The following UTRN variants were observed in gnomAD, a reference collection of about 807,000 sequenced individuals.
UTRN encodes the protein utrophin, also known as dystrophin-related protein 1.
In UTRN, 283 loss-of-function variants were observed where a neutral mutation model predicts 463.9. That is an observed-to-expected ratio of 0.61 (90% confidence interval 0.55 to 0.67). The LOEUF is 0.67. Ranked by LOEUF, UTRN falls within the 30% of genes least tolerant of loss-of-function variation. The pLI, the probability that UTRN is intolerant of heterozygous loss-of-function variation, is 0.00. For synonymous variants in UTRN, 1,442 were observed against 1,431.5 expected (o/e 1.01, Z -0.17); for missense variants, 3,922 against 4,084.3 (o/e 0.96, Z 1.08).
intron 54 of UTRN, among the ~76,000 whole-genome samples, chr6:144,744,958 G>C (rs182625380): frequency 6.6e-6 from 1 of 152,142 alleles, no homozygotes; most frequent in Non-Finnish European, 1.5e-5. Context: ...ATTCCATCCT[G>C]ACAACCTGTT....
At chr6:144,811,950 C>CT (rs374548427) in intron 65 of UTRN, among the ~76,000 whole-genome samples, 3 of 151,994 alleles carry the variant, frequency 2.0e-5, no homozygotes, top group Non-Finnish European at 4.4e-5. Context: ...TGCCAAGTGA[C>CT]TTTTTTTATA....
At chr6:144,404,322 C>G (rs947519903) in intron 3 of UTRN, among the ~76,000 whole-genome samples, 2 of 152,166 alleles carry the variant, frequency 1.3e-5, no homozygotes, top group African/African-American at 4.8e-5. Context: ...AAATCACATG[C>G]AGGTGTGTTT....
chr6:144,635,165 C>T (rs1269783756), intron 51 of UTRN, among the ~76,000 whole-genome samples: 4 of 114,222 alleles, frequency 3.5e-5, no homozygotes, highest in Admixed American at 1.1e-4. Context: ...TTTTTGGAGA[C>T]ATGAGACAGG....
At chr6:144,450,774 A>G (rs1451081535) in intron 17 of UTRN, among the ~76,000 whole-genome samples, 1 of 152,216 alleles carries the variant, frequency 6.6e-6, no homozygotes, top group Non-Finnish European at 1.5e-5. Context: ...ATAAGCATTT[A>G]TAAAAATACA....
chr6:144,666,450 A>G (rs1780407002), intron 51 of UTRN, among the ~76,000 whole-genome samples: 1 of 152,318 alleles, frequency 6.6e-6, no homozygotes, highest in Non-Finnish European at 1.5e-5. Flanking sequence ...TTGCCAGTCA[A>G]TCAAAATAAA....
intron 9 of UTRN, 120 bp downstream of exon 9, chr6:144,429,861 A>G: frequency 1.9e-6 from 2 of 1,046,534 alleles, no homozygotes; most frequent in Non-Finnish European, 2.7e-6. Context: ...TTCTCAGCTT[A>G]CATTTGCATA....
rs1374708578 is a variant in UTRN at position 144,836,318 on chromosome 6, A to G, written c.9842A>G (p.Tyr3281Cys). Residue 3281 changes from tyrosine (Y) to cysteine (C), a missense_variant, in exon 71 of 75, where the codon TAT becomes TGT. By Grantham distance (194) the Tyr-to-Cys change is radical (BLOSUM62 -2). Transcript: ENST00000367545. The stretch of plus-strand genomic sequence containing the variant: ...TGTATTAGAAATCTACAGGTGGAGT[A>G]TGAGCAGCTGAAGGACCAGCACCTC... ...EEEQRNLQVEYEQLKDQHLRR... is the reference protein window; with the variant it reads ...EEEQRNLQVECEQLKDQHLRR... 6.2e-7 allele frequency: 1 copy of G among 1,614,140 alleles called. No homozygotes were observed. The highest frequency in any genetic ancestry group is 1.7e-5 in the Admixed American group (1 of 60,022).
intron 66 of UTRN, among the ~76,000 whole-genome samples, chr6:144,824,354 C>T (rs1166055375): frequency 6.7e-6 from 1 of 150,054 alleles, no homozygotes; most frequent in Non-Finnish European, 1.5e-5. Context: ...CAATTTAAGG[C>T]ACTAAAAGGG....
At chr6:144,746,868 T>C (rs549868693) in intron 54 of UTRN, among the ~76,000 whole-genome samples, 71 of 152,348 alleles carry the variant, frequency 4.7e-4, no homozygotes, top group African/African-American at 1.7e-3. Flanking sequence ...TCAGTTCAGC[T>C]GCCAAGAGAT....
chr6:144,827,765 T>C (rs1780318347), intron 68 of UTRN, 89 bp downstream of exon 68: 1 of 1,430,534 alleles, frequency 7.0e-7, no homozygotes, highest in South Asian at 1.3e-5. Flanking sequence ...TATACCTTGA[T>C]TTAAGAAATG....
intron 51 of UTRN, among the ~76,000 whole-genome samples, chr6:144,626,142 GTTTA>G (rs1411478048): frequency 2.0e-5 from 3 of 152,172 alleles, no homozygotes; most frequent in Non-Finnish European, 4.4e-5. Flanking sequence ...AGTGATGGGT[GTTTA>G]TTTAAAGAAT....
chr6:144,346,754 C>T (rs140462642), intron 2 of UTRN, among the ~76,000 whole-genome samples: 5,207 of 152,010 alleles, frequency 0.034, 139 homozygotes, highest in Non-Finnish European at 0.047. Flanking sequence ...ACCCGGGAGG[C>T]GGGGGTTGCA....
At chr6:144,761,098 A>G (rs2128727672) in intron 58 of UTRN, among the ~76,000 whole-genome samples, 1 of 152,282 alleles carries the variant, frequency 6.6e-6, no homozygotes, top group Non-Finnish European at 1.5e-5. Flanking sequence ...GAACTGAAAG[A>G]GTCTATATAG....
chr6:144,510,666 T>A (rs1795091579), intron 34 of UTRN, among the ~76,000 whole-genome samples: 1 of 152,198 alleles, frequency 6.6e-6, no homozygotes, highest in Non-Finnish European at 1.5e-5. Flanking sequence ...AATAAATGGA[T>A]TTATATTTAA....
intron 57 of UTRN, among the ~76,000 whole-genome samples, chr6:144,755,867 G>T (rs1416706160): frequency 6.6e-6 from 1 of 151,902 alleles, no homozygotes; most frequent in Non-Finnish European, 1.5e-5. Flanking sequence ...TTGATAAACT[G>T]CCTTACCTCA....
Position 144,474,728 on chromosome 6 carries a change from A to C in UTRN, c.3305A>C (p.Tyr1102Ser). The C allele has an allele frequency of 6.2e-7, 1 of 1,613,364 alleles. No individual in the cohort carries two copies. Among genetic ancestry groups the C allele is most frequent in the Non-Finnish European group, 8.5e-7 (1 of 1,179,838 alleles). ...TGGGTGCAGACAAGACTAGGTGACT[A>C]CCAAACTCAACTGGAGAAACTTAGC... ...KTWVQTRLGD[Y>S]QTQLEKLSKE... is the part of the protein sequence containing the mutation. The change falls in exon 25 of 75, where the codon TAC (tyrosine) becomes TCC (serine). Residue 1102 changes from tyrosine to serine, a missense_variant. By Grantham distance (144) the Tyr-to-Ser change is moderately radical. Coordinates refer to ENST00000367545, the MANE Select transcript of UTRN (RefSeq NM_007124.3).
rs1788388355 is a variant in UTRN at position 144,730,367 on chromosome 6, G to A, written c.7820G>A (p.Arg2607Gln). The change falls in exon 54 of 75, where the codon CGG becomes CAG. Residue 2607 changes from arginine (R) to glutamine (Q), a missense_variant. Coordinates refer to ENST00000367545, the MANE Select transcript of UTRN (RefSeq NM_007124.3). ...CTTCTCTTTTGAAAGGCCCTGAGAC[G>A]GGAGTTAAAGGAGAAAGAATATTCT... is the stretch of plus-strand genomic sequence containing the variant. Reference protein sequence around the residue: ...LQYDHCKALRRELKEKEYSVL... With the variant: ...LQYDHCKALRQELKEKEYSVL... The A allele has an allele frequency of 2.5e-6, 4 of 1,602,392 alleles. No individual in the cohort carries two copies. The highest frequency in any genetic ancestry group is 2.6e-6 in the Non-Finnish European group (3 of 1,174,160).
rs1236947329 is a variant in UTRN, at chr6:144,285,344, C to T, written c.-570C>T. Among the ~76,000 whole-genome samples the T allele has an allele frequency of 6.6e-6, 1 of 152,050 alleles. No individual in the cohort carries two copies. Reference sequence around the variant, plus strand: ...ACAAAGTTGTGGAGTCGTTTTTCCTCGGAGCAGGGAAGCGGGCAGCAGCAG... The same window carrying T: ...ACAAAGTTGTGGAGTCGTTTTTCCTTGGAGCAGGGAAGCGGGCAGCAGCAG... On this transcript the variant is annotated 5_prime_UTR_variant, in exon 1 of 75. Coordinates refer to ENST00000367545, the MANE Select transcript of UTRN (RefSeq NM_007124.3).
At chr6:144,368,895 A>G (rs1348986807) in intron 2 of UTRN, among the ~76,000 whole-genome samples, 3 of 152,244 alleles carry the variant, frequency 2.0e-5, no homozygotes, top group Non-Finnish European at 4.4e-5. Flanking sequence ...TTTGTGACTT[A>G]CAAGGTGTCT....
Sources: allele counts gnomAD v4.1 joint callset (sites outside exome capture counted in the v4.1 genomes callset), GRCh38; gene constraint gnomAD v4.1.1; transcripts MANE v1.5; gene names NCBI Gene and HGNC (gene_info 2026-07-23, HGNC 2026-07-21).